PRF1: variants seen among roughly 807,000 people sequenced by gnomAD.
The protein encoded by PRF1 is perforin 1.
In PRF1, 11 loss-of-function variants were observed where a neutral mutation model predicts 11.7. The observed-to-expected ratio is 0.94, with a 90% CI of 0.59 to 1.56. The LOEUF (loss-of-function observed/expected upper bound fraction) is 1.56. Among genes scored for constraint, PRF1 ranks in the 40% most tolerant of loss-of-function variants. The probability of loss-of-function intolerance (pLI) is 0.00; values close to 1 mark genes in which losing one functional copy is unlikely to be tolerated. For synonymous variants in PRF1, 314 were observed against 327.8 expected, an observed-to-expected ratio of 0.96 and a Z score of 0.45; for missense variants, 729 against 751.0, an observed-to-expected ratio of 0.97 and a Z score of 0.34.
At chr10:70,602,262 C>T (rs1002586298) in intron 1 of PRF1, among the ~76,000 whole-genome samples, 1 of 152,122 alleles carries the variant, frequency 6.6e-6, no homozygotes, top group African/African-American at 2.4e-5. Context: ...GTGGCTCGCC[C>T]CAGGGAGGCA....
chr10:70,602,213 G>C (rs1380535863), intron 1 of PRF1, among the ~76,000 whole-genome samples: 48 of 152,304 alleles, frequency 3.2e-4, no homozygotes, highest in Non-Finnish European at 7.3e-5. Context: ...CTCCTGCCCT[G>C]CCCAAAGGTG....
chr10:70,598,108 A>C lies in PRF1; in HGVS notation c.1613T>G (p.Val538Gly). 1.2e-6 allele frequency: 2 copies of C among 1,614,052 alleles called. No homozygotes were observed. Among genetic ancestry groups the C allele is most frequent in the Non-Finnish European group, 1.7e-6 (2 of 1,180,024 alleles). ...AGGCTCCCCCAGAAGCATTTGGGGG[A>C]CATAGTCCAGGCAGGTGCCTCCTCC... Reference protein sequence around the residue: ...HLGGGTCLDYVPQMLLGEPPG... With the variant: ...HLGGGTCLDYGPQMLLGEPPG... Residue 538 changes from valine (V) to glycine (G), a missense_variant, in exon 3 of 3, where the codon GTC (valine) becomes GGC (glycine). By Grantham distance (109) the Val-to-Gly change is moderately radical. Coordinates refer to ENST00000441259, the MANE Select transcript of PRF1 (RefSeq NM_001083116.3).
chr10:70,600,764 C>T lies in PRF1; in HGVS notation c.139G>A (p.Gly47Ser), dbSNP rs1483146792. 1 of 1,611,376 alleles carries T rather than the reference C, an allele frequency of 6.2e-7. No individual in the cohort carries two copies. The highest frequency in any genetic ancestry group is 8.5e-7 in the Non-Finnish European group (1 of 1,178,318). The change falls in exon 2 of 3, where the codon GGT becomes AGT. Residue 47 changes from glycine to serine, a missense_variant. Physicochemically the swap from Gly to Ser is moderately conservative, Grantham distance 56. Transcript: ENST00000441259. This position sits in a 1 kb window ranked among gnomAD's most constrained non-coding sequence, Gnocchi z 4.9. ...FVPGAWLAGE[G>S]VDVTSLRRSG... The stretch of plus-strand genomic sequence containing the variant: ...CGGCGGAGGCTGGTCACGTCCACAC[C>T]CTCCCCGGCCAGCCATGCACCAGGC...
In PRF1 at chr10:70,597,961, C is replaced by G. The variant is rs868058561; in HGVS notation, c.*92G>C. The G allele has an allele frequency of 2.9e-5, 44 of 1,541,188 alleles. No homozygotes were observed. Among genetic ancestry groups the G allele is most frequent in the Middle Eastern group, 2.2e-4 (1 of 4,510 alleles). On this transcript the variant is annotated 3_prime_UTR_variant, in exon 3 of 3. Coordinates refer to ENST00000441259, the MANE Select transcript of PRF1 (RefSeq NM_001083116.3). ...GCATGCGGGCCTCGGGTTGGACAAG[C>G]TTGGTCTAATGGGAATACGAAGACA...
rs1486778011 is a variant in PRF1, at chr10:70,600,322, C to T, written c.539+42G>A. On this transcript the variant is annotated intron_variant, in intron 2 of 2. Transcript: ENST00000441259. This position sits in a 1 kb window ranked among gnomAD's most constrained non-coding sequence, Gnocchi z 4.9. ...GGGCTCCTAGACCACCCAGAGTTTC[C>T]CGCGCCTTTTCCAGCCCCCCACCCC... 6.2e-7 allele frequency: 1 copy of T among 1,611,478 alleles called. No homozygotes were observed.
Position 70,597,872 on chromosome 10 carries a change from A to G in PRF1, c.*181T>C. ...AAAAAAAAAAAAATAGCAAAAAGAA[A>G]CTCATAATGTTTTAAGAAAGTTTGC... On this transcript the variant is annotated 3_prime_UTR_variant, in exon 3 of 3. Coordinates refer to ENST00000441259, the MANE Select transcript of PRF1 (RefSeq NM_001083116.3). 2.8e-6 allele frequency: 2 copies of G among 715,060 alleles called. No homozygotes were observed. Among genetic ancestry groups the G allele is most frequent in the Non-Finnish European group, 4.6e-6 (2 of 435,238 alleles). The allele number at this position is 715,060 out of a possible 1,614,324, so 44.3% of individuals were successfully genotyped here. A position where few individuals can be genotyped will look rare whatever the true frequency, so the allele number is the denominator to read the frequency against.
chr10:70,598,280 G>T lies in PRF1; in HGVS notation c.1441C>A (p.Gln481Lys). ...LLATGGPLRL[Q>K]VWDQDSGRDD... is the part of the protein sequence containing the mutation. ...CTGCCAGAGTCCTGATCCCAGACCT[G>T]CAACCTCAGGGGCCCCCCTGTGGCC... The change falls in exon 3 of 3, where the codon CAG becomes AAG. Residue 481 changes from glutamine (Q) to lysine (K), a missense_variant. Coordinates refer to ENST00000441259, the MANE Select transcript of PRF1 (RefSeq NM_001083116.3). 6.2e-7 allele frequency: 1 copy of T among 1,614,228 alleles called. No individual in the cohort carries two copies. Among genetic ancestry groups the T allele is most frequent in the South Asian group, 1.1e-5 (1 of 91,092 alleles).
Position 70,597,841 on chromosome 10 carries a change from G to C in PRF1, c.*212C>G. On this transcript the variant is annotated 3_prime_UTR_variant, in exon 3 of 3. Transcript: ENST00000441259. ...CACTAGCACTAACGATAGCCGATGA[G>C]CTAAAAAAAAAAAAAAAATAGCAAA... 1 of 611,132 alleles carries C rather than the reference G, an allele frequency of 1.6e-6. No homozygotes were observed. The highest frequency in any genetic ancestry group is 2.8e-6 in the Non-Finnish European group (1 of 357,708). 37.9% of individuals were successfully genotyped at this position (611,132 alleles called of 1,614,324 possible).
chr10:70,602,426 G>A (rs1037506327), intron 1 of PRF1, among the ~76,000 whole-genome samples: 4 of 152,120 alleles, frequency 2.6e-5, no homozygotes, highest in Non-Finnish European at 4.4e-5. Context: ...AAGCTTTAAT[G>A]TCAGCACTTG....
intron 1 of PRF1, among the ~76,000 whole-genome samples, chr10:70,602,036 G>A (rs896414712): frequency 6.6e-6 from 1 of 152,126 alleles, no homozygotes; most frequent in Non-Finnish European, 1.5e-5. Context: ...CTAATTTTAA[G>A]GTGTTTCTGG....
intron 1 of PRF1, among the ~76,000 whole-genome samples, chr10:70,601,813 A>C (rs1393706080): frequency 6.6e-6 from 1 of 151,512 alleles, no homozygotes; most frequent in African/African-American, 2.4e-5. Flanking sequence ...TGGGTGATAG[A>C]GTAAGACTCT....
intron 1 of PRF1, among the ~76,000 whole-genome samples, chr10:70,602,063 G>A (rs1238306413): frequency 6.6e-6 from 1 of 152,146 alleles, no homozygotes; most frequent in Non-Finnish European, 1.5e-5. Flanking sequence ...GCCTGGGCCT[G>A]TTTATGATCT....
chr10:70,599,805 G>A (rs1848190891), intron 2 of PRF1, among the ~76,000 whole-genome samples: 1 of 152,194 alleles, frequency 6.6e-6, no homozygotes, highest in Non-Finnish European at 1.5e-5. Flanking sequence ...CTTGGGTCTG[G>A]CCTACAAACA....
intron 1 of PRF1, among the ~76,000 whole-genome samples, chr10:70,602,329 C>T (rs1296566941): frequency 6.6e-6 from 1 of 152,186 alleles, no homozygotes; most frequent in African/African-American, 2.4e-5. Flanking sequence ...GAGGCGGGCA[C>T]AGTCATAACC....
At chr10:70,601,027 T>G in intron 1 of PRF1, 95 bp from the exon 2 acceptor site, 5 of 1,455,952 alleles carry the variant, frequency 3.4e-6, no homozygotes, top group Non-Finnish European at 4.6e-6. Context: ...GGCTGAGATA[T>G]CTCTTAAGTC....
rs138588977 is a variant in PRF1, at chr10:70,600,375, G to A, written c.528C>T (p.Cys176=). The stretch of plus-strand genomic sequence containing the variant: ...GCCCCAGCTCTCACCTGTAGAAGCG[G>A]CACTCCACCGTGTCAGTGCTGAAGC... ...QYSFSTDTVE[C]RFYSFHVVHT... is the part of the protein sequence containing the mutation. Residue 176 remains cysteine, a synonymous_variant, in exon 2 of 3, where the codon TGC becomes TGT. Coordinates refer to ENST00000441259, the MANE Select transcript of PRF1 (RefSeq NM_001083116.3). This position sits in a 1 kb window ranked among gnomAD's most constrained non-coding sequence, Gnocchi z 4.9. 1.3e-3 allele frequency: 2,040 copies of A among 1,614,114 alleles called. 2 individuals carry two copies. Among genetic ancestry groups the A allele is most frequent in the Non-Finnish European group, 1.5e-3 (1,739 of 1,180,022 alleles).
intron 1 of PRF1, among the ~76,000 whole-genome samples, chr10:70,601,998 T>C (rs1329870897): frequency 2.6e-5 from 4 of 152,124 alleles, no homozygotes; most frequent in African/African-American, 9.7e-5. Context: ...TTGCCTACTA[T>C]GGACAATGAT....
rs1848164819 is a variant in PRF1, at chr10:70,598,550, C to A, written c.1171G>T (p.Asp391Tyr). 4 of 1,613,092 alleles carry A rather than the reference C, an allele frequency of 2.5e-6. No individual in the cohort carries two copies. In the East Asian group the frequency reaches 6.7e-5, roughly 27 times the overall value. ...CPPGRQKSPRDPCQCVCHGSA... is the reference protein window; with the variant it reads ...CPPGRQKSPRYPCQCVCHGSA... Reference sequence around the variant, plus strand: ...CCATGGCACACACACTGGCATGGGTCTCGGGGGCTCTTCTGCCGCCCTGGT... The same window carrying A: ...CCATGGCACACACACTGGCATGGGTATCGGGGGCTCTTCTGCCGCCCTGGT... Residue 391 changes from aspartate (D) to tyrosine (Y), a missense_variant, in exon 3 of 3, where the codon GAC (aspartate) becomes TAC (tyrosine). Coordinates refer to ENST00000441259, the MANE Select transcript of PRF1 (RefSeq NM_001083116.3).
Position 70,600,227 on chromosome 10 carries a change from A to G in PRF1, c.539+137T>C. The G allele has an allele frequency of 6.8e-7, 1 of 1,473,498 alleles. No homozygotes were observed. The highest frequency in any genetic ancestry group is 9.0e-7 in the Non-Finnish European group (1 of 1,107,134). 91.3% of individuals were successfully genotyped at this position (1,473,498 alleles called of 1,614,324 possible). The stretch of plus-strand genomic sequence containing the variant: ...ACAGGGCTGAATCACCTGAAGTCTG[A>G]GAGCCAGGATTGCAGTTTCTTCCTG... On this transcript the variant is annotated intron_variant, in intron 2 of 2. Transcript: ENST00000441259. The surrounding 1 kb of genome is among the most constrained non-coding windows in gnomAD (Gnocchi z 4.9).
Sources: allele counts gnomAD v4.1 joint callset (sites outside exome capture counted in the v4.1 genomes callset), GRCh38; gene constraint gnomAD v4.1.1; non-coding constraint Gnocchi (gnomAD v3.1); transcripts MANE v1.5; gene names NCBI Gene and HGNC (gene_info 2026-07-23, HGNC 2026-07-21).